Variants in TMEM182 observed in about 807,000 individuals in gnomAD.
TMEM182 encodes the protein transmembrane protein 182.
In TMEM182, 20 loss-of-function variants were observed where a neutral mutation model predicts 26.8. The observed-to-expected ratio is 0.75, with a 90% CI of 0.53 to 1.09. TMEM182 has a LOEUF of 1.09. Ranked by LOEUF, TMEM182 falls within the 50% of genes least tolerant of loss-of-function variation. The pLI, the probability that TMEM182 is intolerant of heterozygous loss-of-function variation, is 0.00. For synonymous variants in TMEM182, 109 were observed against 102.2 expected, an observed-to-expected ratio of 1.07 and a Z score of -0.40; for missense variants, 277 against 275.5, an observed-to-expected ratio of 1.01 and a Z score of -0.04.
At chr2:102,761,391 T>G (rs1680206940), upstream of TMEM182, among the ~76,000 whole-genome samples, 1 of 152,208 alleles carries the variant, frequency 6.6e-6, no homozygotes, top group Admixed American at 6.5e-5. Flanking sequence ...ATCAGTCCAC[T>G]TTGGGGATGA....
Position 102,762,123 on chromosome 2 carries a change from T to C in TMEM182, c.-95T>C, listed in dbSNP as rs1276035659. 1 of 47,798 alleles carries C rather than the reference T, an allele frequency of 2.1e-5. No homozygotes were observed. The highest frequency in any genetic ancestry group is 3.5e-5 in the Non-Finnish European group (1 of 28,432). The allele number at this position is 47,798 out of a possible 1,614,324, so 3.0% of individuals were successfully genotyped here. On this transcript the variant is annotated 5_prime_UTR_variant, in exon 1 of 5. Coordinates refer to ENST00000412401, the MANE Select transcript of TMEM182 (RefSeq NM_144632.5). Reference sequence around the variant, plus strand: ...TTCTGCCAACTCAAAAATATTATTCTTTTTTTTTTTTTTTTGCTGTTGTTT... The same window carrying C: ...TTCTGCCAACTCAAAAATATTATTCCTTTTTTTTTTTTTTTGCTGTTGTTT...
In TMEM182 at chr2:102,763,447, T is replaced by C. The variant is rs1680296530; in HGVS notation, c.232+761T>C. Among the ~76,000 whole-genome samples, 4 of 152,190 alleles carry C rather than the reference T, an allele frequency of 2.6e-5. No homozygotes were observed. In the South Asian group the frequency reaches 8.3e-4, roughly 32 times the overall value. On this transcript the variant is annotated intron_variant, in intron 2 of 4. Transcript: ENST00000412401. ...GCTTATTGAGAATTGAAATTATTAG[T>C]CTTCTTATCAAAAATCAAAGTATGG...
At chr2:102,807,735 C>A (rs1682401409) in intron 4 of TMEM182, among the ~76,000 whole-genome samples, 1 of 152,178 alleles carries the variant, frequency 6.6e-6, no homozygotes. Context: ...TCACGCTGCA[C>A]TAATCCTCAT....
intron 1 of TMEM182, among the ~76,000 whole-genome samples, chr2:102,748,655 G>A (rs1198957100): frequency 2.6e-5 from 4 of 152,260 alleles, no homozygotes; most frequent in Admixed American, 2.6e-4. Context: ...TAAGATATTA[G>A]CAATGTCAAG....
intron 3 of TMEM182, among the ~76,000 whole-genome samples, chr2:102,782,308 A>G (rs1573527961): frequency 3.0e-5 from 1 of 33,170 alleles, no homozygotes; most frequent in African/African-American, 2.0e-4. Flanking sequence ...CCTGGGTGAC[A>G]AGAGTAAAAC....
chr2:102,772,779 A>G (rs765202307), intron 3 of TMEM182, among the ~76,000 whole-genome samples: 3 of 152,232 alleles, frequency 2.0e-5, no homozygotes, highest in Non-Finnish European at 2.9e-5. Flanking sequence ...ACATCATAAT[A>G]CAAATGCTTG....
rs1327981595 is a variant in TMEM182 at position 102,817,524 on chromosome 2, A to T, written c.*2556A>T. 1 of 985,426 alleles carries T rather than the reference A, an allele frequency of 1.0e-6. No homozygotes were observed. Among genetic ancestry groups the T allele is most frequent in the Non-Finnish European group, 1.2e-6 (1 of 829,922 alleles). The allele number at this position is 985,426 out of a possible 1,614,324, so 61.0% of individuals were successfully genotyped here. ...AGAGACTACACAGAGAAGTTTAATG[A>T]TCGTGTACAATTTGAGGGTTGATGG... On this transcript the variant is annotated 3_prime_UTR_variant, in exon 5 of 5. Transcript: ENST00000412401.
chr2:102,819,869 G>A (rs377566233), downstream of TMEM182, among the ~76,000 whole-genome samples: 12 of 152,202 alleles, frequency 7.9e-5, no homozygotes, highest in Middle Eastern at 3.4e-3. Flanking sequence ...GTGCTACCAC[G>A]GCCTTCTCTT....
intron 3 of TMEM182, among the ~76,000 whole-genome samples, chr2:102,777,707 A>G (rs1023550879): frequency 2.0e-5 from 3 of 151,836 alleles, no homozygotes; most frequent in African/African-American, 7.2e-5. Context: ...GTCATTTGCA[A>G]ATAGGGACAA....
At chr2:102,839,338 CT>C (rs750199602) in intron 3 of TMEM182, among the ~76,000 whole-genome samples, 14 of 151,582 alleles carry the variant, frequency 9.2e-5, no homozygotes, top group Non-Finnish European at 1.6e-4. Context: ...TTTCCGATTT[CT>C]TTGCTTTTAG....
chr2:102,833,051 G>C (rs1158214579), intron 3 of TMEM182, among the ~76,000 whole-genome samples: 2 of 152,010 alleles, frequency 1.3e-5, no homozygotes, highest in African/African-American at 2.4e-5. Context: ...CACTTCATGG[G>C]AACAATGCAA....
rs557709316 is a variant in TMEM182, at chr2:102,806,340, C to CT, written c.469+8341dup. ...GGAAGGCGGTTGGCTTGACTGGACA[C>CT]TCAAAGAAGAAATTGTCCTCAATAC... On this transcript the variant is annotated intron_variant, in intron 4 of 4. Transcript: ENST00000412401. Among the ~76,000 whole-genome samples the CT allele has an allele frequency of 2.3e-3, 354 of 152,274 alleles. 2 individuals are homozygous for CT. Among genetic ancestry groups the CT allele is most frequent in the Admixed American group, 6.6e-3 (101 of 15,300 alleles).
chr2:102,798,361 T>G lies in TMEM182; in HGVS notation c.469+361T>G, dbSNP rs187771290. ...AGAGACTGTTAACCTCTTACCCTAT[T>G]AATTTTCTGTCTGTAAATGGGGATC... On this transcript the variant is annotated intron_variant, in intron 4 of 4. Coordinates refer to ENST00000412401, the MANE Select transcript of TMEM182 (RefSeq NM_144632.5). 2.0e-3 allele frequency among the ~76,000 whole-genome samples: 310 copies of G among 152,298 alleles called. 2 individuals are homozygous for G. The highest frequency in any genetic ancestry group is 6.9e-3 in the African/African-American group (288 of 41,556).
At chr2:102,778,701 CATG>C (rs199885337) in intron 3 of TMEM182, among the ~76,000 whole-genome samples, 1,709 of 105,192 alleles carry the variant, frequency 0.016, 23 homozygotes, top group South Asian at 0.052. Flanking sequence ...ATCATAAATA[CATG>C]TTATTATGGT....
exon 1 of TMEM182, chr2:102,736,962 G>T: frequency 3.3e-6 from 3 of 913,788 alleles, no homozygotes; most frequent in African/African-American, 1.7e-5. Flanking sequence ...GCCGGTGCTG[G>T]CTGGGAGTTC....
rs746382527 is a variant in TMEM182 at position 102,817,208 on chromosome 2, T to A, written c.*2240T>A. On this transcript the variant is annotated 3_prime_UTR_variant, in exon 5 of 5. Coordinates refer to ENST00000412401, the MANE Select transcript of TMEM182 (RefSeq NM_144632.5). ...TAGCAACCTTATATCTGATTTGAGA[T>A]ACTGTGTTGCCAAATGTCCATGTTA... 1.0e-6 allele frequency: 1 copy of A among 985,452 alleles called. No homozygotes were observed. The highest frequency in any genetic ancestry group is 1.2e-6 in the Non-Finnish European group (1 of 829,908). 61.0% of individuals were successfully genotyped at this position (985,452 alleles called of 1,614,324 possible).
intron 3 of TMEM182, among the ~76,000 whole-genome samples, chr2:102,825,304 TA>T (rs1311968490): frequency 6.6e-6 from 1 of 152,178 alleles, no homozygotes; most frequent in Non-Finnish European, 1.5e-5. Flanking sequence ...AAGGAAGAAA[TA>T]ACTTTTACCT....
intron 1 of TMEM182, among the ~76,000 whole-genome samples, chr2:102,750,136 C>G (rs1191545278): frequency 6.6e-6 from 1 of 151,972 alleles, no homozygotes; most frequent in East Asian, 1.9e-4. Context: ...TGCACAGATT[C>G]ACTTTCGCTT....
intron 3 of TMEM182, chr2:102,834,393 C>A: frequency 1.0e-6 from 1 of 985,192 alleles, no homozygotes; most frequent in Non-Finnish European, 1.2e-6. Context: ...CTCTTGGGAT[C>A]CTCTGCTGTA....
Sources: allele counts gnomAD v4.1 joint callset (sites outside exome capture counted in the v4.1 genomes callset), GRCh38; gene constraint gnomAD v4.1.1; transcripts MANE v1.5; gene names NCBI Gene and HGNC (gene_info 2026-07-23, HGNC 2026-07-21).